PUS7: variants seen among roughly 807,000 people sequenced by gnomAD.
PUS7 encodes pseudouridine synthase 7.
Under a neutral mutation model 79.8 loss-of-function variants are expected in PUS7, and 48 were observed. The ratio of observed to expected loss-of-function variants is 0.60; its 90% CI spans 0.48 to 0.76. The LOEUF (loss-of-function observed/expected upper bound fraction) is 0.76, where lower values mean the gene tolerates loss of function less well. Ranked by LOEUF, PUS7 falls within the 30% of genes least tolerant of loss-of-function variation. The pLI, the probability that PUS7 is intolerant of heterozygous loss-of-function variation, is 0.00. For missense variants in PUS7, 729 were observed against 797.6 expected (o/e 0.91, Z 1.04); for synonymous variants, 286 against 272.2 (o/e 1.05, Z -0.50).
At chr7:105,496,226 T>TATAGAGAGAGAGAG (rs1197032072) in intron 5 of PUS7, among the ~76,000 whole-genome samples, 1 of 81,134 alleles carries the variant, frequency 1.2e-5, no homozygotes, top group African/African-American at 4.7e-5. Flanking sequence ...TATATATATA[T>TATAGAGAGAGAGAG]AGAGAGAGAG....
chr7:105,466,787 G>A (rs774684564), intron 12 of PUS7, among the ~76,000 whole-genome samples: 41 of 151,210 alleles, frequency 2.7e-4, no homozygotes, highest in Non-Finnish European at 5.0e-4. Flanking sequence ...ATGTACTTAA[G>A]AGGATGAAAC....
chr7:105,467,798 G>T (rs1046445242), intron 12 of PUS7, among the ~76,000 whole-genome samples: 21 of 151,866 alleles, frequency 1.4e-4, no homozygotes, highest in Non-Finnish European at 2.6e-4. Context: ...GGAGGCCAAG[G>T]CAGGCGGATC....
chr7:105,509,763 G>T (rs951289036), intron 1 of PUS7, among the ~76,000 whole-genome samples: 12 of 152,150 alleles, frequency 7.9e-5, no homozygotes, highest in African/African-American at 2.9e-4. Context: ...ATAGGTGTGA[G>T]CCACCCTGCC....
chr7:105,482,236 T>G, intron 8 of PUS7, 76 bp downstream of exon 8: 1 of 1,521,120 alleles, frequency 6.6e-7, no homozygotes, highest in Non-Finnish European at 9.0e-7. Context: ...CAGGACCTTA[T>G]GACCAACCGT....
At chr7:105,513,527 T>C (rs945142190) in intron 1 of PUS7, among the ~76,000 whole-genome samples, 6 of 152,266 alleles carry the variant, frequency 3.9e-5, no homozygotes, top group African/African-American at 1.4e-4. Context: ...CCTTAATAGT[T>C]ATTATTGATG....
At chr7:105,459,317 G>T in intron 14 of PUS7, 58 bp from the exon 15 acceptor site, 1 of 1,046,684 alleles carries the variant, frequency 9.6e-7, no homozygotes, top group Non-Finnish European at 1.4e-6. Context: ...AAGGTACTAA[G>T]CCACTCATCA....
At chr7:105,489,308 T>C (rs948742994) in intron 7 of PUS7, among the ~76,000 whole-genome samples, 1 of 152,016 alleles carries the variant, frequency 6.6e-6, no homozygotes. Flanking sequence ...CCTTCTGTTG[T>C]GACCTCTATC....
rs866548123 is a variant in PUS7 at position 105,498,964 on chromosome 7, C to T, written c.730+3456G>A. ...CCTTGCATATATAAATAACTCACAG[C>T]TCTTCCATCTTAAAAGCCTAACCTA... On this transcript the variant is annotated intron_variant, in intron 5 of 15. Coordinates refer to ENST00000469408, the MANE Select transcript of PUS7 (RefSeq NM_019042.5). Among the ~76,000 whole-genome samples, 42 of 152,246 alleles carry T rather than the reference C, an allele frequency of 2.8e-4. 1 individual carries two copies. The highest frequency in any genetic ancestry group is 9.6e-4 in the African/African-American group (40 of 41,552).
At position 105,457,618 on chromosome 7, in the gene PUS7, A is replaced by C. The variant is rs2133006748; in HGVS notation, c.*172T>G. On this transcript the variant is annotated 3_prime_UTR_variant, in exon 16 of 16. Transcript: ENST00000469408. The stretch of plus-strand genomic sequence containing the variant: ...ATTAAGAACCTCAGGATTTGTGTAC[A>C]TGTACAAATATTGCAAATTATTTCT... 1 of 545,326 alleles carries C rather than the reference A, an allele frequency of 1.8e-6. No homozygotes were observed. The highest frequency in any genetic ancestry group is 3.0e-6 in the Non-Finnish European group (1 of 337,210). The allele number at this position is 545,326 out of a possible 1,614,324, so 33.8% of individuals were successfully genotyped here. A position where few individuals can be genotyped will look rare whatever the true frequency, so the allele number is the denominator to read the frequency against.
At chr7:105,495,538 T>G (rs917102280) in intron 5 of PUS7, among the ~76,000 whole-genome samples, 4 of 152,060 alleles carry the variant, frequency 2.6e-5, no homozygotes, top group African/African-American at 9.7e-5. Context: ...CAAGATGGCT[T>G]GAGCTCAGGA....
chr7:105,461,277 A>T (rs1823416120), intron 14 of PUS7, among the ~76,000 whole-genome samples: 1 of 152,262 alleles, frequency 6.6e-6, no homozygotes, highest in Non-Finnish European at 1.5e-5. Context: ...CTAAGTTTTT[A>T]GAAATAGGAA....
chr7:105,489,542 T>C (rs961794134), intron 7 of PUS7, among the ~76,000 whole-genome samples: 1 of 152,288 alleles, frequency 6.6e-6, no homozygotes, highest in East Asian at 1.9e-4. Context: ...AGGAACACCA[T>C]CATCTTCATG....
chr7:105,505,371 G>T (rs983948259), intron 4 of PUS7, among the ~76,000 whole-genome samples: 5 of 152,108 alleles, frequency 3.3e-5, no homozygotes, highest in Admixed American at 1.3e-4. Flanking sequence ...TTCAATAGCA[G>T]AATTGACCCA....
rs962092974 is a variant in PUS7 at position 105,467,139 on chromosome 7, G to A, written c.1525+1198C>T. Among the ~76,000 whole-genome samples, 9 of 149,516 alleles carry A rather than the reference G, an allele frequency of 6.0e-5. No homozygotes were observed. In the East Asian group the frequency reaches 1.8e-3, roughly 30 times the overall value. ...AGAAAATACTTCACAGTAACACTGA[G>A]GCTTTAAACTAAAAGACACAGGTAC... On this transcript the variant is annotated intron_variant, in intron 12 of 15. Transcript: ENST00000469408.
At chr7:105,468,867 G>A (rs1823766030) in intron 11 of PUS7, among the ~76,000 whole-genome samples, 2 of 151,942 alleles carry the variant, frequency 1.3e-5, no homozygotes, top group Non-Finnish European at 2.9e-5. Flanking sequence ...GGTAATCGTA[G>A]TAATAAGAAA....
Position 105,490,849 on chromosome 7 carries a change from T to C in PUS7, c.920+691A>G, listed in dbSNP as rs953200702. ...TCTGGCCTCAGGGAATATCTGACAATGCCTAGAGACATTCTTTGCTATCAT... is the reference window on the plus strand; with the variant it reads ...TCTGGCCTCAGGGAATATCTGACAACGCCTAGAGACATTCTTTGCTATCAT... On this transcript the variant is annotated intron_variant, in intron 7 of 15. Transcript: ENST00000469408. Among the ~76,000 whole-genome samples, 3 of 152,212 alleles carry C rather than the reference T, an allele frequency of 2.0e-5. No homozygotes were observed. In the South Asian group the frequency reaches 6.2e-4, roughly 32 times the overall value.
chr7:105,461,913 C>T (rs1398548056), intron 14 of PUS7, among the ~76,000 whole-genome samples: 1 of 152,110 alleles, frequency 6.6e-6, no homozygotes, highest in African/African-American at 2.4e-5. Flanking sequence ...TGTGGTGGCT[C>T]ATGCCCGTAA....
At chr7:105,467,831 T>C (rs1407785843) in intron 12 of PUS7, among the ~76,000 whole-genome samples, 3 of 151,748 alleles carry the variant, frequency 2.0e-5, no homozygotes, top group Non-Finnish European at 2.9e-5. Context: ...GAGTTCGAGA[T>C]CGAGGTGCTT....
At chr7:105,458,658 C>T (rs1446639212) in intron 15 of PUS7, among the ~76,000 whole-genome samples, 2 of 151,078 alleles carry the variant, frequency 1.3e-5, no homozygotes, top group Admixed American at 6.6e-5. Context: ...CTACAAGCTC[C>T]GCCTTCTGTG....
Sources: allele counts gnomAD v4.1 joint callset (sites outside exome capture counted in the v4.1 genomes callset), GRCh38; gene constraint gnomAD v4.1.1; transcripts MANE v1.5; gene names NCBI Gene and HGNC (gene_info 2026-07-23, HGNC 2026-07-21).